The following UVRAG variants were observed in gnomAD, a reference collection of about 807,000 sequenced individuals.
The protein encoded by UVRAG is UV radiation resistance associated, also known as UV radiation resistance-associated gene protein.
In UVRAG, 19 loss-of-function variants were observed where a neutral mutation model predicts 78.0. The observed-to-expected ratio is 0.24, with a 90% CI of 0.17 to 0.36. The LOEUF (loss-of-function observed/expected upper bound fraction) is 0.36. UVRAG is among the 10% of genes least tolerant of loss of function. The pLI is 1.00. For missense variants in UVRAG, 740 were observed against 853.8 expected (o/e 0.87, Z 1.66); for synonymous variants, 323 against 324.6 (o/e 1.00, Z 0.05).
intron 1 of UVRAG, among the ~76,000 whole-genome samples, chr11:75,817,898 GAAA>G (rs111248538): frequency 9.6e-6 from 1 of 104,074 alleles, no homozygotes; most frequent in African/African-American, 3.1e-5. Context: ...ACAAAAAAAA[GAAA>G]AAAAAAAAAA....
intron 3 of UVRAG, among the ~76,000 whole-genome samples, chr11:75,865,680 T>A (rs1205148019): frequency 6.6e-6 from 1 of 152,004 alleles, no homozygotes; most frequent in African/African-American, 2.4e-5. Flanking sequence ...AGTGGCACGA[T>A]CTCGGCTCAT....
At chr11:75,989,243 C>T (rs764631524) in intron 8 of UVRAG, among the ~76,000 whole-genome samples, 2 of 151,908 alleles carry the variant, frequency 1.3e-5, no homozygotes, top group East Asian at 3.9e-4. Context: ...TTAGCAGAGA[C>T]GTGGTTTCAC....
intron 1 of UVRAG, among the ~76,000 whole-genome samples, chr11:75,818,119 T>A (rs1945302444): frequency 6.6e-6 from 1 of 152,024 alleles, no homozygotes; most frequent in South Asian, 2.1e-4. Context: ...ATTATTAACA[T>A]CCTGGAAGTC....
intron 1 of UVRAG, among the ~76,000 whole-genome samples, chr11:75,836,570 A>G (rs1179936339): frequency 6.6e-6 from 1 of 152,084 alleles, no homozygotes; most frequent in Non-Finnish European, 1.5e-5. Context: ...TTCTTTCTTC[A>G]CAATTTCTTT....
At chr11:76,076,767 C>G (rs936660153) in intron 13 of UVRAG, among the ~76,000 whole-genome samples, 6 of 151,976 alleles carry the variant, frequency 3.9e-5, no homozygotes, top group Middle Eastern at 3.4e-3. Context: ...GGAGAAATAA[C>G]TATTCCAACC....
chr11:75,951,921 G>A (rs1948711345), intron 6 of UVRAG, among the ~76,000 whole-genome samples: 1 of 152,116 alleles, frequency 6.6e-6, no homozygotes, highest in African/African-American at 2.4e-5. Flanking sequence ...TTTGGCTCTA[G>A]ATCAATTTAG....
chr11:75,917,504 G>A (rs761609996), intron 6 of UVRAG, among the ~76,000 whole-genome samples: 3 of 152,092 alleles, frequency 2.0e-5, no homozygotes. Context: ...GTACTCTCTT[G>A]TGTTACTAAA....
At chr11:76,051,301 T>C (rs1221256797) in intron 12 of UVRAG, among the ~76,000 whole-genome samples, 1 of 152,120 alleles carries the variant, frequency 6.6e-6, no homozygotes, top group Non-Finnish European at 1.5e-5. Flanking sequence ...AAACAGGTGC[T>C]GTTAAATCCA....
intron 12 of UVRAG, among the ~76,000 whole-genome samples, chr11:76,063,892 T>G (rs1951138220): frequency 6.6e-6 from 1 of 152,250 alleles, no homozygotes. Flanking sequence ...GATAGATCTA[T>G]AAATACATGT....
At chr11:75,866,105 A>G (rs1162365439) in intron 3 of UVRAG, among the ~76,000 whole-genome samples, 2 of 151,960 alleles carry the variant, frequency 1.3e-5, no homozygotes, top group African/African-American at 2.4e-5. Context: ...AAAAAATGCA[A>G]AAATTACCCG....
intron 14 of UVRAG, among the ~76,000 whole-genome samples, chr11:76,123,293 C>T (rs536490767): frequency 6.6e-6 from 1 of 152,302 alleles, no homozygotes; most frequent in African/African-American, 2.4e-5. Flanking sequence ...TTTATTCTAC[C>T]TCATTTACCT....
At chr11:76,054,323 A>G (rs1950936962) in intron 12 of UVRAG, among the ~76,000 whole-genome samples, 1 of 152,096 alleles carries the variant, frequency 6.6e-6, no homozygotes, top group Admixed American at 6.6e-5. Flanking sequence ...CCACCTCCAC[A>G]GCCACCATCT....
intron 13 of UVRAG, among the ~76,000 whole-genome samples, chr11:76,101,893 G>A (rs936312155): frequency 6.6e-6 from 1 of 152,012 alleles, no homozygotes; most frequent in African/African-American, 2.4e-5. Flanking sequence ...ATGGTTGTAC[G>A]TGTACAGCCT....
intron 6 of UVRAG, among the ~76,000 whole-genome samples, chr11:75,948,942 G>A (rs191702268): frequency 1.6e-4 from 24 of 152,292 alleles, no homozygotes; most frequent in East Asian, 1.3e-3. Flanking sequence ...TAAGGCAGGC[G>A]TTCTGGATGC....
chr11:75,833,799 G>A (rs937288311), intron 1 of UVRAG, among the ~76,000 whole-genome samples: 1 of 152,246 alleles, frequency 6.6e-6, no homozygotes, highest in South Asian at 2.1e-4. Context: ...GTTATCTGCA[G>A]CAGGAGCATG....
chr11:75,919,056 A>T lies in UVRAG; in HGVS notation c.593+7017A>T, dbSNP rs1002460538. Among the ~76,000 whole-genome samples the T allele has an allele frequency of 2.6e-5, 4 of 152,214 alleles. No homozygotes were observed. In the East Asian group the frequency reaches 7.7e-4, roughly 29 times the overall value. The stretch of plus-strand genomic sequence containing the variant: ...TTCCCCTCCCCGCACTTTGCTAGAA[A>T]GTACTGTCAACTATAAAATTCCAAT... On this transcript the variant is annotated intron_variant, in intron 6 of 14. Transcript: ENST00000356136.
intron 8 of UVRAG, among the ~76,000 whole-genome samples, chr11:76,003,098 G>T (rs1178287857): frequency 6.6e-6 from 1 of 151,598 alleles, no homozygotes; most frequent in African/African-American, 2.4e-5. Flanking sequence ...AAGAATTGAG[G>T]TATGAGGGTA....
At chr11:76,022,408 A>G (rs137872248) in intron 12 of UVRAG, among the ~76,000 whole-genome samples, 413 of 152,264 alleles carry the variant, frequency 2.7e-3, no homozygotes, top group Non-Finnish European at 4.8e-3. Flanking sequence ...CTATTAGTGT[A>G]AAACTGTATA....
chr11:76,134,708 C>T (rs1178855192), intron 14 of UVRAG, among the ~76,000 whole-genome samples: 5 of 152,156 alleles, frequency 3.3e-5, no homozygotes, highest in African/African-American at 4.8e-5. Flanking sequence ...TAATGACAAC[C>T]ACCACAATTA....
Sources: gnomAD v4.1 joint callset for allele counts (sites outside exome capture counted in the v4.1 genomes callset) on GRCh38, gnomAD v4.1.1 for gene constraint, MANE v1.5 for transcripts, NCBI Gene and HGNC (gene_info 2026-07-23, HGNC 2026-07-21) for gene names.